The following PPP1R14C variants were observed in gnomAD, a reference collection of about 807,000 sequenced individuals.
The protein encoded by PPP1R14C is protein phosphatase 1 regulatory subunit 14C.
In PPP1R14C, 16 loss-of-function variants were observed where a neutral mutation model predicts 20.4. That is an observed-to-expected ratio of 0.78 (90% CI 0.53 to 1.19). PPP1R14C has a LOEUF of 1.19. PPP1R14C is among the 50% of genes most tolerant of loss of function. The pLI is 0.00. For missense variants in PPP1R14C, 211 were observed against 220.1 expected, an observed-to-expected ratio of 0.96 and a Z score of 0.26; for synonymous variants, 91 against 91.0, an observed-to-expected ratio of 1.00 and a Z score of 0.00.
rs370615136 is a variant in PPP1R14C at position 150,143,819 on chromosome 6, C to T, written c.306+321C>T. ...CGCCTCTGGGCTCCAGCTGCAGCTG[C>T]GCAAAGCGGGGCTCGGAGGGGCTCA... On this transcript the variant is annotated intron_variant, in intron 1 of 3. Transcript: ENST00000361131. The surrounding 1 kb of genome is among the most constrained non-coding windows in gnomAD (Gnocchi z 5.6). 7.2e-5 allele frequency among the ~76,000 whole-genome samples: 11 copies of T among 152,288 alleles called. 1 individual carries two copies. Among genetic ancestry groups the T allele is most frequent in the East Asian group, 1.9e-4 (1 of 5,156 alleles).
At chr6:150,218,350 C>G (rs1778122844) in intron 3 of PPP1R14C, among the ~76,000 whole-genome samples, 1 of 151,906 alleles carries the variant, frequency 6.6e-6, no homozygotes, top group South Asian at 2.1e-4. Context: ...TTGCAGTGAG[C>G]CGAGATTGCG....
At position 150,185,566 on chromosome 6, in the gene PPP1R14C, A is replaced by C. The variant is rs1217433886; in HGVS notation, c.307-29178A>C. Reference sequence around the variant, plus strand: ...CTGCCTACCCTTGGCTGCTGGGTGCAGGGCTCAGGGCTCCACAGAGTGAAG... The same window carrying C: ...CTGCCTACCCTTGGCTGCTGGGTGCCGGGCTCAGGGCTCCACAGAGTGAAG... On this transcript the variant is annotated intron_variant, in intron 1 of 3. Transcript: ENST00000361131. The surrounding 1 kb of genome is among the most constrained non-coding windows in gnomAD (Gnocchi z 4.1). Among the ~76,000 whole-genome samples the C allele has an allele frequency of 6.6e-6, 1 of 152,152 alleles. No individual in the cohort carries two copies. Among genetic ancestry groups the C allele is most frequent in the East Asian group, 1.9e-4 (1 of 5,190 alleles).
At chr6:150,170,778 C>CTT (rs59562721) in intron 1 of PPP1R14C, among the ~76,000 whole-genome samples, 13,566 of 131,152 alleles carry the variant, frequency 0.1, 919 homozygotes, top group African/African-American at 0.17. Context: ...CAGTACGACT[C>CTT]TTTTTTTTTT....
At chr6:150,237,070 T>C (rs1295578142) in intron 3 of PPP1R14C, among the ~76,000 whole-genome samples, 6 of 151,434 alleles carry the variant, frequency 4.0e-5, no homozygotes, top group African/African-American at 1.2e-4. Flanking sequence ...TGAGCACCCA[T>C]GGTCTCACTT....
At chr6:150,247,807 T>C (rs1045758586) in intron 3 of PPP1R14C, among the ~76,000 whole-genome samples, 2 of 152,214 alleles carry the variant, frequency 1.3e-5, no homozygotes, top group African/African-American at 4.8e-5. Context: ...ATGTACCTTA[T>C]TGGGCCCCAC....
At chr6:150,178,347 C>T (rs1025123744) in intron 1 of PPP1R14C, among the ~76,000 whole-genome samples, 3 of 152,156 alleles carry the variant, frequency 2.0e-5, no homozygotes, top group African/African-American at 7.2e-5. Flanking sequence ...TCACAGAGGC[C>T]CCTGGGGACA....
chr6:150,152,456 G>A (rs1777260020), intron 1 of PPP1R14C, among the ~76,000 whole-genome samples: 1 of 152,106 alleles, frequency 6.6e-6, no homozygotes, highest in Non-Finnish European at 1.5e-5. Context: ...CACGTGACCA[G>A]GGCTCAGGGG....
Position 150,163,680 on chromosome 6 carries a change from C to T in PPP1R14C, c.306+20182C>T, listed in dbSNP as rs114267955. The stretch of plus-strand genomic sequence containing the variant: ...TCAACATTAGATGTGTGAGATACAC[C>T]CACATTGTTGCATGTCATTTGAGGT... On this transcript the variant is annotated intron_variant, in intron 1 of 3. Coordinates refer to ENST00000361131, the MANE Select transcript of PPP1R14C (RefSeq NM_030949.3). 7.1e-3 allele frequency among the ~76,000 whole-genome samples: 1,082 copies of T among 152,070 alleles called. 17 individuals carry two copies. The highest frequency in any genetic ancestry group is 0.025 in the African/African-American group (1,034 of 41,454).
intron 1 of PPP1R14C, among the ~76,000 whole-genome samples, chr6:150,193,586 G>A (rs551825205): frequency 3.3e-5 from 5 of 151,394 alleles, no homozygotes; most frequent in African/African-American, 1.2e-4. Flanking sequence ...AAATGCTGAA[G>A]TCCTCGATGG....
chr6:150,242,606 T>G (rs1778445962), intron 3 of PPP1R14C, among the ~76,000 whole-genome samples: 1 of 152,164 alleles, frequency 6.6e-6, no homozygotes, highest in African/African-American at 2.4e-5. Flanking sequence ...GGTAACATAC[T>G]TGCTGGTGAA....
At chr6:150,190,529 C>A (rs1777729401) in intron 1 of PPP1R14C, among the ~76,000 whole-genome samples, 1 of 151,528 alleles carries the variant, frequency 6.6e-6, no homozygotes, top group South Asian at 2.1e-4. Context: ...CAGGTTCAAG[C>A]GATTCTCCTG....
intron 1 of PPP1R14C, among the ~76,000 whole-genome samples, chr6:150,170,985 C>A (rs1582902069): frequency 6.6e-6 from 1 of 151,824 alleles, no homozygotes; most frequent in South Asian, 2.1e-4. Context: ...AGGAAGGTAC[C>A]TTTCCTATGT....
At chr6:150,197,627 G>C (rs951306966) in intron 1 of PPP1R14C, among the ~76,000 whole-genome samples, 4 of 152,254 alleles carry the variant, frequency 2.6e-5, no homozygotes, top group Admixed American at 6.5e-5. Flanking sequence ...AGCACCTCCT[G>C]TTTTCCAATG....
At chr6:150,174,424 G>C (rs75199398) in intron 1 of PPP1R14C, among the ~76,000 whole-genome samples, 25,935 of 149,598 alleles carry the variant, frequency 0.17, 3,152 homozygotes, top group African/African-American at 0.34. Context: ...CACCGTGTTA[G>C]CCAGGATGGT....
At chr6:150,172,692 TCTC>T (rs1777512890) in intron 1 of PPP1R14C, among the ~76,000 whole-genome samples, 2 of 152,260 alleles carry the variant, frequency 1.3e-5, no homozygotes, top group African/African-American at 4.8e-5. Flanking sequence ...ATCTGACACT[TCTC>T]CTGGTGGGCA....
At chr6:150,216,696 G>A (rs1778098368) in intron 2 of PPP1R14C, 128 bp from the exon 3 acceptor site, 1 of 683,468 alleles carries the variant, frequency 1.5e-6, no homozygotes, top group African/African-American at 1.8e-5. Context: ...TGCGTTTCTA[G>A]ATAGTATGAA....
rs990444954 is a variant in PPP1R14C, at chr6:150,143,839, G to C, written c.306+341G>C. ...AGCTGCGCAAAGCGGGGCTCGGAGG[G>C]GCTCACTCCAGCTGCGCCTCAGCAG... On this transcript the variant is annotated intron_variant, in intron 1 of 3. Coordinates refer to ENST00000361131, the MANE Select transcript of PPP1R14C (RefSeq NM_030949.3). This position sits in a 1 kb window ranked among gnomAD's most constrained non-coding sequence, Gnocchi z 5.6. 6.6e-6 allele frequency among the ~76,000 whole-genome samples: 1 copy of C among 152,192 alleles called. No homozygotes were observed. The highest frequency in any genetic ancestry group is 2.1e-4 in the South Asian group (1 of 4,834).
intron 3 of PPP1R14C, among the ~76,000 whole-genome samples, chr6:150,226,548 C>G (rs959094620): frequency 9.2e-5 from 14 of 152,070 alleles, no homozygotes; most frequent in Non-Finnish European, 1.5e-4. Context: ...GGAGGATGAA[C>G]AGAAAATGCA....
rs1266948753 is a variant in PPP1R14C at position 150,143,976 on chromosome 6, G to A, written c.306+478G>A. Among the ~76,000 whole-genome samples the A allele has an allele frequency of 2.0e-5, 3 of 152,184 alleles. No individual in the cohort carries two copies. Among genetic ancestry groups the A allele is most frequent in the Non-Finnish European group, 4.4e-5 (3 of 68,034 alleles). On this transcript the variant is annotated intron_variant, in intron 1 of 3. Transcript: ENST00000361131. The surrounding 1 kb of genome is among the most constrained non-coding windows in gnomAD (Gnocchi z 5.6). ...GAAGGAAGCTGCCTCGTGGAAAGGA[G>A]AGGTTCTGGGGATCTCAGAGGCCCC...
Sources: gnomAD v4.1 joint callset for allele counts (sites outside exome capture counted in the v4.1 genomes callset) on GRCh38, gnomAD v4.1.1 for gene constraint, Gnocchi (gnomAD v3.1) non-coding constraint, MANE v1.5 for transcripts, NCBI Gene and HGNC (gene_info 2026-07-23, HGNC 2026-07-21) for gene names.